ATF7: variants seen among roughly 807,000 people sequenced by gnomAD.
ATF7 encodes cyclic AMP-dependent transcription factor ATF-7.
Under a neutral mutation model 50.4 loss-of-function variants are expected in ATF7, and 10 were observed. The ratio of observed to expected loss-of-function variants is 0.20; its 90% CI spans 0.12 to 0.34. The LOEUF is 0.34. ATF7 is among the 10% of genes least tolerant of loss of function. ATF7 has a pLI of 1.00. For missense variants in ATF7, 465 were observed against 613.9 expected, an observed-to-expected ratio of 0.76 and a Z score of 2.56; for synonymous variants, 201 against 226.4, an observed-to-expected ratio of 0.89 and a Z score of 1.01.
rs916402566 is a variant in ATF7 at position 53,514,173 on chromosome 12, C to A, written c.*2964G>T. ...GGAATGGGGCAGAAAGTGAGCAGAC[C>A]AGAAGACCTGGTTCTGTCCCCTCCC... On this transcript the variant is annotated 3_prime_UTR_variant, in exon 12 of 12. Transcript: ENST00000420353. 1 of 152,094 alleles carries A rather than the reference C, an allele frequency of 6.6e-6. No homozygotes were observed. The highest frequency in any genetic ancestry group is 2.4e-5 in the African/African-American group (1 of 41,406). The allele number at this position is 152,094 out of a possible 1,614,324, so 9.4% of individuals were successfully genotyped here. A position where few individuals can be genotyped will look rare whatever the true frequency, so the allele number is the denominator to read the frequency against.
At chr12:53,547,739 G>A (rs1286739124) in intron 3 of ATF7, among the ~76,000 whole-genome samples, 3 of 149,564 alleles carry the variant, frequency 2.0e-5, no homozygotes, top group African/African-American at 5.0e-5. Flanking sequence ...CACCATGCTC[G>A]GCTAATTTTA....
At chr12:53,594,759 G>T (rs1369607481) in intron 2 of ATF7, among the ~76,000 whole-genome samples, 1 of 152,050 alleles carries the variant, frequency 6.6e-6, no homozygotes, top group Non-Finnish European at 1.5e-5. Context: ...TATGGTGGTG[G>T]GCGCTTATAG....
At position 53,622,741 on chromosome 12, in the gene ATF7, G is replaced by A. The variant is rs545925995; in HGVS notation, c.-22+3538C>T. On this transcript the variant is annotated intron_variant, in intron 1 of 11. Transcript: ENST00000420353. ...TAATCCCAGCACTTTGAGAGACCAAGGTGGGGAGATGGCTTGAGCCTAGGA... is the reference window on the plus strand; with the variant it reads ...TAATCCCAGCACTTTGAGAGACCAAAGTGGGGAGATGGCTTGAGCCTAGGA... Among the ~76,000 whole-genome samples, 4 of 152,208 alleles carry A rather than the reference G, an allele frequency of 2.6e-5. No individual in the cohort carries two copies. In the South Asian group the frequency reaches 8.3e-4, roughly 32 times the overall value.
chr12:53,554,212 C>T (rs1940563989), intron 2 of ATF7, among the ~76,000 whole-genome samples: 1 of 152,212 alleles, frequency 6.6e-6, no homozygotes, highest in Non-Finnish European at 1.5e-5. Flanking sequence ...CTCACTGCAA[C>T]CTCTGCTGCC....
rs1937761214 is a variant in ATF7, at chr12:53,517,203, T to A, written c.1386A>T (p.Thr462=). Residue 462 remains threonine (T), a synonymous_variant, in exon 12 of 12, where the codon ACA becomes ACT. Coordinates refer to ENST00000420353, the MANE Select transcript of ATF7 (RefSeq NM_006856.3). ...SVLTQMASQR[T]ELSMPIQSHV... ...GCGATTGTATCGGCATGCTCAGTTC[T>A]GTCCTTTGGCTGGCCATCTGAGTGA... is the stretch of plus-strand genomic sequence containing the variant. The A allele has an allele frequency of 2.5e-6, 4 of 1,613,940 alleles. No homozygotes were observed. The highest frequency in any genetic ancestry group is 1.7e-5 in the Admixed American group (1 of 60,014).
chr12:53,561,789 T>C (rs1941131417), intron 2 of ATF7, among the ~76,000 whole-genome samples: 1 of 152,256 alleles, frequency 6.6e-6, no homozygotes, highest in East Asian at 1.9e-4. Flanking sequence ...GAATGTTTCA[T>C]GGCTCTTAAA....
chr12:53,529,734 C>CACACACACAT (rs1298379846), intron 9 of ATF7, among the ~76,000 whole-genome samples: 1 of 143,530 alleles, frequency 7.0e-6, no homozygotes, highest in Non-Finnish European at 1.5e-5. Context: ...CACACACACA[C>CACACACACAT]ATATATATAT....
intron 3 of ATF7, among the ~76,000 whole-genome samples, chr12:53,544,746 C>A (rs1190069195): frequency 6.6e-6 from 1 of 151,844 alleles, no homozygotes; most frequent in African/African-American, 2.4e-5. Flanking sequence ...GAGACTCTGT[C>A]TCAAAAAAAC....
intron 2 of ATF7, among the ~76,000 whole-genome samples, chr12:53,587,843 A>ATATATATATATAGATATATATT: frequency 1.6e-5 from 1 of 61,568 alleles, no homozygotes; most frequent in Non-Finnish European, 3.4e-5. Context: ...ATATATATAT[A>ATATATATATATAGATATATATT]TTTTTTTTTT....
chr12:53,520,984 G>A (rs2137324286), intron 11 of ATF7, among the ~76,000 whole-genome samples: 1 of 151,200 alleles, frequency 6.6e-6, no homozygotes, highest in East Asian at 2.0e-4. Flanking sequence ...TCAAATGTAA[G>A]TCAGATCAAT....
intron 11 of ATF7, among the ~76,000 whole-genome samples, chr12:53,519,070 A>G (rs1419950368): frequency 5.3e-5 from 8 of 151,382 alleles, no homozygotes; most frequent in Admixed American, 1.3e-4. Context: ...AAAAAAAAAA[A>G]GATTCAAATA....
intron 2 of ATF7, among the ~76,000 whole-genome samples, chr12:53,590,234 A>G (rs185116494): frequency 6.6e-6 from 1 of 152,372 alleles, no homozygotes; most frequent in Admixed American, 6.5e-5. Context: ...AGCCAATATC[A>G]CAGTCGTCAT....
chr12:53,545,950 T>C (rs981022653), intron 3 of ATF7, among the ~76,000 whole-genome samples: 19 of 151,950 alleles, frequency 1.3e-4, no homozygotes, highest in African/African-American at 4.1e-4. Flanking sequence ...CCCAACACTA[T>C]GGGAGGCCGA....
chr12:53,509,177 C>T (rs954287425), downstream of ATF7, among the ~76,000 whole-genome samples: 9 of 152,158 alleles, frequency 5.9e-5, no homozygotes, highest in African/African-American at 1.9e-4. Context: ...TCACCTGAAA[C>T]ATGGGCCCAT....
At chr12:53,517,885 G>C (rs955270324) in intron 11 of ATF7, among the ~76,000 whole-genome samples, 12 of 151,932 alleles carry the variant, frequency 7.9e-5, no homozygotes, top group Non-Finnish European at 8.8e-5. Flanking sequence ...TTTTTCCTAA[G>C]ACTGAGTCTT....
At chr12:53,528,468 A>T (rs766174294) in intron 9 of ATF7, among the ~76,000 whole-genome samples, 1 of 152,160 alleles carries the variant, frequency 6.6e-6, no homozygotes, top group Non-Finnish European at 1.5e-5. Flanking sequence ...TCTCTACTAA[A>T]ATACAAAAAA....
chr12:53,623,983 A>G (rs1944501387), intron 1 of ATF7, among the ~76,000 whole-genome samples: 1 of 152,204 alleles, frequency 6.6e-6, no homozygotes, highest in Non-Finnish European at 1.5e-5. Context: ...TTGATCCACA[A>G]GTTGAAAGAT....
chr12:53,591,731 C>T (rs189925971), intron 2 of ATF7, among the ~76,000 whole-genome samples: 85 of 152,248 alleles, frequency 5.6e-4, no homozygotes, highest in African/African-American at 2.0e-3. Context: ...TTCCTTTTGC[C>T]ACAGGATGAT....
At chr12:53,597,076 G>A (rs1020122527) in intron 2 of ATF7, among the ~76,000 whole-genome samples, 1 of 152,054 alleles carries the variant, frequency 6.6e-6, no homozygotes, top group Non-Finnish European at 1.5e-5. Flanking sequence ...GGTTGATGAG[G>A]CCTCAAGAGA....
Sources: gnomAD v4.1 joint callset for allele counts (sites outside exome capture counted in the v4.1 genomes callset) on GRCh38, gnomAD v4.1.1 for gene constraint, MANE v1.5 for transcripts, NCBI Gene and HGNC (gene_info 2026-07-23, HGNC 2026-07-21) for gene names.